Variants in ATP5PD observed in about 807,000 individuals in gnomAD.
ATP5PD encodes ATP synthase peripheral stalk subunit d.
A neutral mutation model predicts 22.6 loss-of-function variants in ATP5PD; 13 were observed. The ratio of observed to expected loss-of-function variants is 0.58; its 90% CI spans 0.37 to 0.91. ATP5PD has a LOEUF of 0.91. ATP5PD is among the 40% of genes least tolerant of loss of function. The pLI, the probability that ATP5PD is intolerant of heterozygous loss-of-function variation, is 0.00. For synonymous variants in ATP5PD, 51 were observed against 65.0 expected (o/e 0.79, Z 1.03); for missense variants, 165 against 188.0 (o/e 0.88, Z 0.72).
intron 3 of ATP5PD, chr17:75,040,495 T>C: frequency 3.1e-6 from 1 of 322,826 alleles, no homozygotes; most frequent in Non-Finnish European, 5.8e-6. Flanking sequence ...TCTTAGCACC[T>C]TGAATTGTAA....
At chr17:75,046,441 G>A (rs142928153) in intron 1 of ATP5PD, among the ~76,000 whole-genome samples, 7 of 152,292 alleles carry the variant, frequency 4.6e-5, no homozygotes, top group Non-Finnish European at 1.0e-4. Flanking sequence ...AACAGATCAT[G>A]CGCATAGGAG....
At chr17:75,045,246 T>C (rs1274151338) in intron 1 of ATP5PD, among the ~76,000 whole-genome samples, 1 of 151,998 alleles carries the variant, frequency 6.6e-6, no homozygotes, top group Non-Finnish European at 1.5e-5. Flanking sequence ...AACAGGGTAA[T>C]AGAATATCAC....
chr17:75,040,313 A>G, intron 3 of ATP5PD, 150 bp from the exon 4 acceptor site: 2 of 840,500 alleles, frequency 2.4e-6, no homozygotes, highest in South Asian at 3.0e-5. Flanking sequence ...CCCAAGCGGA[A>G]ACGAATACGC....
chr17:75,039,493 G>A (rs565548039), intron 4 of ATP5PD: 18 of 528,400 alleles, frequency 3.4e-5, no homozygotes, highest in East Asian at 3.2e-4. Flanking sequence ...GGCAGCACCC[G>A]GCTGCTTCTG....
chr17:75,043,625 A>AC (rs1024569900), intron 1 of ATP5PD, among the ~76,000 whole-genome samples: 4 of 151,828 alleles, frequency 2.6e-5, no homozygotes, highest in Admixed American at 1.3e-4. Flanking sequence ...AAAAAAAAAA[A>AC]AAACAAACCC....
chr17:75,046,239 C>T (rs71380859), intron 1 of ATP5PD, among the ~76,000 whole-genome samples: 5,343 of 152,002 alleles, frequency 0.035, 123 homozygotes, highest in Non-Finnish European at 0.049. Flanking sequence ...CCTTCCACCA[C>T]GCCCAGCTAA....
intron 1 of ATP5PD, among the ~76,000 whole-genome samples, chr17:75,043,954 T>A (rs1011471559): frequency 3.9e-5 from 6 of 152,048 alleles, no homozygotes; most frequent in African/African-American, 1.4e-4. Context: ...TCCAACTAGA[T>A]TGGTAATACA....
chr17:75,042,424 A>T, intron 2 of ATP5PD, 105 bp downstream of exon 2: 1 of 1,523,612 alleles, frequency 6.6e-7, no homozygotes, highest in Non-Finnish European at 8.9e-7. Context: ...GGATTTCTTT[A>T]TATGTTGTCA....
chr17:75,041,532 C>G (rs75643864), intron 3 of ATP5PD: 13,788 of 150,374 alleles, frequency 0.092, 1,306 homozygotes, highest in East Asian at 0.57. Context: ...GAGGCTAAGA[C>G]AGAAGGATGG....
In ATP5PD at chr17:75,039,231, C is replaced by T. The variant is rs774652694; in HGVS notation, c.332G>A (p.Arg111Lys). The T allele has an allele frequency of 1.4e-5, 22 of 1,614,208 alleles. No individual in the cohort carries two copies. Among genetic ancestry groups the T allele is most frequent in the South Asian group, 1.1e-4 (10 of 91,084 alleles). Residue 111 changes from arginine (R) to lysine (K), a missense_variant, in exon 5 of 6, where the codon AGG becomes AAG. Arg to Lys is a conservative substitution (Grantham distance 26). Coordinates refer to ENST00000301587, the MANE Select transcript of ATP5PD (RefSeq NM_006356.3). ...CAEWVSLSKA[R>K]IVEYEKEMEK... ...TACCTCTTTCTCATATTCTACAATC[C>T]TGGCCTTTGAGAGAGACACCCACTC...
intron 5 of ATP5PD, 66 bp from the exon 6 acceptor site, chr17:75,039,129 G>A: frequency 6.2e-7 from 1 of 1,611,958 alleles, no homozygotes; most frequent in East Asian, 2.2e-5. Flanking sequence ...TCCAAGGCAG[G>A]TTCCTGCCAC....
chr17:75,044,023 CTT>C (rs11312083), intron 1 of ATP5PD, among the ~76,000 whole-genome samples: 1,785 of 127,700 alleles, frequency 0.014, 30 homozygotes, highest in African/African-American at 0.054. Context: ...ACGTTGTGCA[CTT>C]TTTTTTTTTT....
intron 5 of ATP5PD, 40 bp from the exon 6 acceptor site, chr17:75,039,103 G>C (rs768947436): frequency 4.3e-6 from 7 of 1,612,440 alleles, no homozygotes; most frequent in Non-Finnish European, 5.9e-6. Flanking sequence ...TGTAAACAGA[G>C]ACGGAAAGCA....
intron 1 of ATP5PD, among the ~76,000 whole-genome samples, chr17:75,042,882 A>AAAAAAAAG (rs1411609225): frequency 6.6e-6 from 1 of 151,872 alleles, no homozygotes; most frequent in Non-Finnish European, 1.5e-5. Flanking sequence ...CTCCAACTCA[A>AAAAAAAAG]AAAAAAAGAA....
intron 1 of ATP5PD, among the ~76,000 whole-genome samples, chr17:75,044,062 T>TC (rs1398747395): frequency 6.7e-6 from 1 of 149,336 alleles, no homozygotes; most frequent in Non-Finnish European, 1.5e-5. Context: ...TTTCACTCTG[T>TC]CCCCCGGGCT....
Position 75,046,953 on chromosome 17 carries a change from T to G in ATP5PD, c.-38A>C, listed in dbSNP as rs532615747. On this transcript the variant is annotated 5_prime_UTR_variant, in exon 1 of 6. Coordinates refer to ENST00000301587, the MANE Select transcript of ATP5PD (RefSeq NM_006356.3). The stretch of plus-strand genomic sequence containing the variant: ...CACCGACCCTGGCTGCCCACGGTCC[T>G]CCGCAGCAAGTAACGGAAGTGGGTC... The G allele has an allele frequency of 5.9e-6, 1 of 168,132 alleles. No individual in the cohort carries two copies. The highest frequency in any genetic ancestry group is 6.4e-5 in the Admixed American group (1 of 15,738). 10.4% of individuals were successfully genotyped at this position (168,132 alleles called of 1,614,324 possible).
At chr17:75,039,184 G>A (rs1386103686) in intron 5 of ATP5PD, 25 bp downstream of exon 5, 1 of 1,613,946 alleles carries the variant, frequency 6.2e-7, no homozygotes, top group Non-Finnish European at 8.5e-7. Context: ...CCATATTATA[G>A]GCAACGGCTA....
intron 1 of ATP5PD, among the ~76,000 whole-genome samples, chr17:75,044,507 A>C (rs2073193232): frequency 7.3e-6 from 1 of 137,568 alleles, no homozygotes; most frequent in African/African-American, 3.1e-5. Context: ...GCCCGGCCCT[A>C]ATTTTTGTAT....
chr17:75,046,685 C>T (rs1337298798), intron 1 of ATP5PD, among the ~76,000 whole-genome samples: 1 of 152,212 alleles, frequency 6.6e-6, no homozygotes, highest in Non-Finnish European at 1.5e-5. Flanking sequence ...CTTGTGGCAG[C>T]GCCTACATCA....
Sources: allele counts gnomAD v4.1 joint callset (sites outside exome capture counted in the v4.1 genomes callset), GRCh38; gene constraint gnomAD v4.1.1; transcripts MANE v1.5; gene names NCBI Gene and HGNC (gene_info 2026-07-23, HGNC 2026-07-21).